Variants in SNTB1 observed in about 807,000 individuals in gnomAD.
SNTB1 encodes beta-1-syntrophin.
SNTB1 carries 36 observed loss-of-function variants against 48.9 expected under a neutral mutation model. The observed-to-expected ratio is 0.74, with a 90% CI of 0.56 to 0.97. The LOEUF (loss-of-function observed/expected upper bound fraction) is 0.97. SNTB1 is among the 50% of genes least tolerant of loss of function. The pLI is 0.00. For missense variants in SNTB1, 786 were observed against 703.4 expected (o/e 1.12, Z -1.33); for synonymous variants, 299 against 294.6 (o/e 1.01, Z -0.15).
At chr8:120,797,016 C>T (rs951190698) in intron 1 of SNTB1, among the ~76,000 whole-genome samples, 2 of 152,010 alleles carry the variant, frequency 1.3e-5, no homozygotes, top group African/African-American at 4.8e-5. Context: ...ATTTTACAAA[C>T]CATTTTCTAA....
intron 3 of SNTB1, among the ~76,000 whole-genome samples, chr8:120,589,209 C>T (rs187999152): frequency 6.6e-6 from 1 of 152,248 alleles, no homozygotes; most frequent in Admixed American, 6.5e-5. Flanking sequence ...GATTATAGCC[C>T]TTTATTACTT....
chr8:120,767,838 T>C (rs533879236), intron 1 of SNTB1, among the ~76,000 whole-genome samples: 1 of 152,326 alleles, frequency 6.6e-6, no homozygotes, highest in South Asian at 2.1e-4. Flanking sequence ...TACTGGTAAC[T>C]GCCATGTATA....
intron 1 of SNTB1, among the ~76,000 whole-genome samples, chr8:120,795,845 C>T (rs1366092136): frequency 6.6e-6 from 1 of 151,956 alleles, no homozygotes; most frequent in Non-Finnish European, 1.5e-5. Context: ...GCATCATCCC[C>T]ATCCCTGCCT....
rs773299494 is a variant in SNTB1 at position 120,541,817 on chromosome 8, C to A, written c.1517G>T (p.Gly506Val). 3.0e-5 allele frequency: 48 copies of A among 1,610,704 alleles called. No individual in the cohort carries two copies. The highest frequency in any genetic ancestry group is 3.6e-5 in the Non-Finnish European group (43 of 1,178,478). Residue 506 changes from glycine to valine, a missense_variant, in exon 6 of 7, where the codon GGA (glycine) becomes GTA (valine). Physicochemically the swap from Gly to Val is moderately radical, Grantham distance 109 (BLOSUM62 -3). Coordinates refer to ENST00000517992, the MANE Select transcript of SNTB1 (RefSeq NM_021021.4). Reference sequence around the variant, plus strand: ...AAAGAAAAGTACACTTACAATCTCTCCATCTTTGCCTCCAAAATCTAAATA... The same window carrying A: ...AAAGAAAAGTACACTTACAATCTCTACATCTTTGCCTCCAAAATCTAAATA... The part of the protein sequence containing the change: ...MLYLDFGGKD[G>V]EIQLDLHSCP...
intron 4 of SNTB1, among the ~76,000 whole-genome samples, chr8:120,572,739 C>T (rs955855787): frequency 8.1e-5 from 10 of 123,246 alleles, no homozygotes; most frequent in Admixed American, 2.4e-4. Context: ...AAAAACAAAA[C>T]GAACAAAACA....
intron 1 of SNTB1, among the ~76,000 whole-genome samples, chr8:120,773,430 A>T (rs1819675568): frequency 1.3e-5 from 2 of 152,210 alleles, no homozygotes; most frequent in African/African-American, 4.8e-5. Flanking sequence ...CCCTGGAAGA[A>T]TTCCAGATTG....
chr8:120,542,721 C>G (rs753775540), intron 5 of SNTB1, among the ~76,000 whole-genome samples: 220 of 152,010 alleles, frequency 1.4e-3, no homozygotes, highest in Middle Eastern at 6.8e-3. Flanking sequence ...CACACACACA[C>G]ACACACACGC....
chr8:120,578,135 G>A (rs1339591803), intron 3 of SNTB1, among the ~76,000 whole-genome samples: 2 of 151,990 alleles, frequency 1.3e-5, no homozygotes, highest in Non-Finnish European at 2.9e-5. Flanking sequence ...TGGGGTTCAC[G>A]CCATTCTCCT....
chr8:120,632,836 G>C (rs1030756233), intron 2 of SNTB1, among the ~76,000 whole-genome samples, 185 bp from the exon 3 acceptor site: 3 of 151,974 alleles, frequency 2.0e-5, no homozygotes, highest in African/African-American at 7.3e-5. Flanking sequence ...ATATTTACTG[G>C]GTTCCCAAGT....
intron 1 of SNTB1, among the ~76,000 whole-genome samples, chr8:120,764,864 T>C (rs1376642557): frequency 1.3e-5 from 2 of 152,088 alleles, no homozygotes; most frequent in African/African-American, 4.8e-5. Context: ...TAATATCAAT[T>C]CTCTCTTTCT....
intron 1 of SNTB1, among the ~76,000 whole-genome samples, chr8:120,714,863 C>A (rs1818529575): frequency 6.6e-6 from 1 of 152,188 alleles, no homozygotes; most frequent in Non-Finnish European, 1.5e-5. Flanking sequence ...CCTGCAGAAA[C>A]AACATCTGTT....
At chr8:120,618,250 T>C (rs186445930) in intron 3 of SNTB1, among the ~76,000 whole-genome samples, 111 of 152,342 alleles carry the variant, frequency 7.3e-4, no homozygotes, top group African/African-American at 1.7e-3. Flanking sequence ...TTAGGTTCCA[T>C]GTTTGTCTTC....
At position 120,809,751 on chromosome 8, in the gene SNTB1, CT is replaced by C. The variant is rs916538905; in HGVS notation, c.571+1521del. Reference sequence around the variant, plus strand: ...CCAACACACACTTGAGTCAAGCAAACTTTTTTTCTGTTATGTTAATCATCAA... The same window carrying C: ...CCAACACACACTTGAGTCAAGCAAACTTTTTTCTGTTATGTTAATCATCAA... On this transcript the variant is annotated intron_variant, in intron 1 of 6. Coordinates refer to ENST00000517992, the MANE Select transcript of SNTB1 (RefSeq NM_021021.4). Among the ~76,000 whole-genome samples, 247 of 152,238 alleles carry C rather than the reference CT, an allele frequency of 1.6e-3. 2 individuals are homozygous for C. The highest frequency in any genetic ancestry group is 6.8e-3 in the Middle Eastern group (2 of 294).
chr8:120,789,332 G>C (rs1026078628), intron 1 of SNTB1, among the ~76,000 whole-genome samples: 1 of 150,602 alleles, frequency 6.6e-6, no homozygotes, highest in Non-Finnish European at 1.5e-5. Context: ...CCTCAAGGAA[G>C]TAGAAAAAAA....
At chr8:120,742,760 T>C (rs1474782029) in intron 1 of SNTB1, among the ~76,000 whole-genome samples, 1 of 152,164 alleles carries the variant, frequency 6.6e-6, no homozygotes, top group Admixed American at 6.5e-5. Context: ...AGGTATCTTT[T>C]AGATAGGGAA....
chr8:120,707,866 C>T (rs78442663), intron 1 of SNTB1, among the ~76,000 whole-genome samples: 15,949 of 152,010 alleles, frequency 0.1, 844 homozygotes, highest in African/African-American at 0.14. Context: ...TGAATTGCTA[C>T]TGATGCTGGG....
chr8:120,572,787 C>T lies in SNTB1; in HGVS notation c.1136+2299G>A, dbSNP rs768938449. Among the ~76,000 whole-genome samples, 9 of 152,110 alleles carry T rather than the reference C, an allele frequency of 5.9e-5. No individual in the cohort carries two copies. In the East Asian group the frequency reaches 7.7e-4, roughly 13 times the overall value. ...AAAATTAGCCGGGCGTGGTGGTGGGCGCCTATAATCCCAGCTACTCAGGAG... is the reference window on the plus strand; with the variant it reads ...AAAATTAGCCGGGCGTGGTGGTGGGTGCCTATAATCCCAGCTACTCAGGAG... On this transcript the variant is annotated intron_variant, in intron 4 of 6. Coordinates refer to ENST00000517992, the MANE Select transcript of SNTB1 (RefSeq NM_021021.4).
intron 1 of SNTB1, among the ~76,000 whole-genome samples, chr8:120,779,806 T>C (rs1819801834): frequency 6.6e-6 from 1 of 152,116 alleles, no homozygotes; most frequent in Non-Finnish European, 1.5e-5. Context: ...TAGTTTTGGT[T>C]TGAGGTATGT....
chr8:120,590,339 G>T (rs2130706512), intron 3 of SNTB1, among the ~76,000 whole-genome samples: 1 of 152,266 alleles, frequency 6.6e-6, no homozygotes, highest in East Asian at 1.9e-4. Flanking sequence ...GAATCATGAG[G>T]CTTCTTTCTT....
Sources: allele counts gnomAD v4.1 joint callset (sites outside exome capture counted in the v4.1 genomes callset), GRCh38; gene constraint gnomAD v4.1.1; transcripts MANE v1.5; gene names NCBI Gene and HGNC (gene_info 2026-07-23, HGNC 2026-07-21).